Variants in PIK3R1 observed in about 807,000 individuals in gnomAD.
PIK3R1 encodes phosphoinositide-3-kinase regulatory subunit 1.
A neutral mutation model predicts 98.0 loss-of-function variants in PIK3R1; 29 were observed. The observed-to-expected ratio is 0.30, with a 90% confidence interval of 0.22 to 0.40. The LOEUF (loss-of-function observed/expected upper bound fraction) is 0.40. PIK3R1 is among the 10% of genes least tolerant of loss of function. PIK3R1 has a pLI of 1.00. For missense variants in PIK3R1, 596 were observed against 872.7 expected (o/e 0.68, Z 3.99); for synonymous variants, 282 against 311.8 (o/e 0.90, Z 1.01).
At chr5:68,250,575 C>A (rs1745267086) in intron 2 of PIK3R1, among the ~76,000 whole-genome samples, 2 of 152,108 alleles carry the variant, frequency 1.3e-5, no homozygotes, top group Non-Finnish European at 2.9e-5. Flanking sequence ...GCAGTCATTG[C>A]CAATGTAGTC....
rs34175949 is a variant in PIK3R1 at position 68,280,580 on chromosome 5, G to A, written c.687G>A (p.Ser229=). Residue 229 remains serine, a synonymous_variant, in exon 6 of 16, where the codon TCG becomes TCA. Transcript: ENST00000521381. ...YIQLLKKLIR[S]PSIPHQYWLT... is the part of the protein sequence containing the mutation. ...AGCTATTGAAGAAGCTTATTAGGTCGCCTAGCATACCTCATCAGTATTGGC... is the reference window on the plus strand; with the variant it reads ...AGCTATTGAAGAAGCTTATTAGGTCACCTAGCATACCTCATCAGTATTGGC... 1.6e-3 allele frequency: 2,648 copies of A among 1,612,370 alleles called. 4 individuals are homozygous for A. The highest frequency in any genetic ancestry group is 2.0e-3 in the South Asian group (180 of 91,018).
chr5:68,257,889 G>A (rs1044300318), intron 2 of PIK3R1, among the ~76,000 whole-genome samples: 4 of 152,080 alleles, frequency 2.6e-5, no homozygotes, highest in Admixed American at 2.0e-4. Flanking sequence ...TAATGTTATC[G>A]TATAATCTGA....
rs546856635 is a variant in PIK3R1, at chr5:68,285,082, G to A, written c.916+4076G>A. 1.5e-4 allele frequency among the ~76,000 whole-genome samples: 23 copies of A among 152,258 alleles called. No homozygotes were observed. In the South Asian group the frequency reaches 3.1e-3, roughly 21 times the overall value. On this transcript the variant is annotated intron_variant, in intron 7 of 15. Transcript: ENST00000521381. ...TGTAGGCAAACCAAGGTAAAAATAAGTCTATTTAACACAGGGTGCCTTTGA... is the reference window on the plus strand; with the variant it reads ...TGTAGGCAAACCAAGGTAAAAATAAATCTATTTAACACAGGGTGCCTTTGA...
chr5:68,227,000 GAAC>G lies in PIK3R1; in HGVS notation c.331_333del (p.Gln111del). 2 of 1,611,136 alleles carry G rather than the reference GAAC, an allele frequency of 1.2e-6. No homozygotes were observed. The highest frequency in any genetic ancestry group is 8.5e-7 in the Non-Finnish European group (1 of 1,178,756). ...TTCTTCGAAAACTGAAGCAGATGTTGAACAACAAGGTCAGTATTGATAAGTGGT... is the reference window on the plus strand; with the variant it reads ...TTCTTCGAAAACTGAAGCAGATGTTGAACAAGGTCAGTATTGATAAGTGGT... On this transcript the variant is annotated inframe_deletion, in exon 2 of 16. Transcript: ENST00000521381.
At chr5:68,229,505 T>C (rs1186377762) in intron 2 of PIK3R1, among the ~76,000 whole-genome samples, 3 of 152,108 alleles carry the variant, frequency 2.0e-5, no homozygotes, top group Non-Finnish European at 1.5e-5. Flanking sequence ...TTATTGCATT[T>C]AGAAGGTTAT....
In PIK3R1 at chr5:68,300,323, T is replaced by C. The variant is rs956274815; in HGVS notation, c.*2722T>C. The C allele has an allele frequency of 8.6e-6, 2 of 232,976 alleles. No homozygotes were observed. The highest frequency in any genetic ancestry group is 1.7e-5 in the Non-Finnish European group (2 of 117,926). 14.4% of individuals were successfully genotyped at this position (232,976 alleles called of 1,614,324 possible). A position where few individuals can be genotyped will look rare whatever the true frequency, so the allele number is the denominator to read the frequency against. ...CCACCGCATTTGTCGTTTTAGATACTTTGCTAGCCGGCCACTTTGGATTTC... is the reference window on the plus strand; with the variant it reads ...CCACCGCATTTGTCGTTTTAGATACCTTGCTAGCCGGCCACTTTGGATTTC... On this transcript the variant is annotated 3_prime_UTR_variant, in exon 16 of 16. Transcript: ENST00000521381.
chr5:68,286,198 G>GA (rs1747072435), intron 7 of PIK3R1, among the ~76,000 whole-genome samples: 1 of 152,138 alleles, frequency 6.6e-6, no homozygotes, highest in African/African-American at 2.4e-5. Context: ...TGAGTTTTAC[G>GA]AAACTTTGAG....
At chr5:68,250,576 CAATGT>C (rs1745267270) in intron 2 of PIK3R1, among the ~76,000 whole-genome samples, 2 of 152,126 alleles carry the variant, frequency 1.3e-5, no homozygotes, top group Non-Finnish European at 2.9e-5. Context: ...CAGTCATTGC[CAATGT>C]AGTCATGCAA....
intron 7 of PIK3R1, chr5:68,290,979 T>C (rs1219419211): frequency 1.7e-6 from 1 of 581,978 alleles, no homozygotes; most frequent in Non-Finnish European, 3.0e-6. Flanking sequence ...GGCTTAAAAA[T>C]TAAACAGATT....
chr5:68,216,869 C>T (rs1054685086), intron 1 of PIK3R1, among the ~76,000 whole-genome samples: 3 of 145,974 alleles, frequency 2.1e-5, no homozygotes, highest in Non-Finnish European at 4.5e-5. Flanking sequence ...ACTTTGATAA[C>T]CAGAATTGGA....
rs1747864608 is a variant in PIK3R1 at position 68,298,698 on chromosome 5, G to A, written c.*1097G>A. On this transcript the variant is annotated 3_prime_UTR_variant, in exon 16 of 16. Transcript: ENST00000521381. ...GATTTTTTTTGGACTGTTTTGTTGG[G>A]CAGTGCCTGATAAGCTTCAAAGCTG... The A allele has an allele frequency of 4.3e-6, 1 of 233,106 alleles. No individual in the cohort carries two copies. Among genetic ancestry groups the A allele is most frequent in the Admixed American group, 5.6e-5 (1 of 17,758 alleles). The allele number at this position is 233,106 out of a possible 1,614,324, so 14.4% of individuals were successfully genotyped here. A position where few individuals can be genotyped will look rare whatever the true frequency, so the allele number is the denominator to read the frequency against.
intron 7 of PIK3R1, chr5:68,288,370 C>A: frequency 9.2e-7 from 1 of 1,084,566 alleles, no homozygotes; most frequent in Non-Finnish European, 1.1e-6. Context: ...AAGCTGCGAT[C>A]TTTATCTAAG....
At chr5:68,221,036 G>A (rs1029934994) in intron 1 of PIK3R1, among the ~76,000 whole-genome samples, 2 of 152,208 alleles carry the variant, frequency 1.3e-5, no homozygotes, top group African/African-American at 4.8e-5. Flanking sequence ...TATGGCAAGA[G>A]TAGATTAGTT....
rs1747126586 is a variant in PIK3R1 at position 68,287,467 on chromosome 5, G to A, written c.917-4792G>A. 6.6e-6 allele frequency among the ~76,000 whole-genome samples: 1 copy of A among 152,110 alleles called. No individual in the cohort carries two copies. The highest frequency in any genetic ancestry group is 6.5e-5 in the Admixed American group (1 of 15,284). ...GGTCAGATTTCGTTTTCCCCTCTATGGCATGCAGGAATTGATTGAAGTGAA... is the reference window on the plus strand; with the variant it reads ...GGTCAGATTTCGTTTTCCCCTCTATAGCATGCAGGAATTGATTGAAGTGAA... On this transcript the variant is annotated intron_variant, in intron 7 of 15. Transcript: ENST00000521381.
chr5:68,215,891 C>T lies in PIK3R1; in HGVS notation c.-445C>T. 1 of 151,538 alleles carries T rather than the reference C, an allele frequency of 6.6e-6. No individual in the cohort carries two copies. Among genetic ancestry groups the T allele is most frequent in the Non-Finnish European group, 1.5e-5 (1 of 67,720 alleles). The allele number at this position is 151,538 out of a possible 1,614,324, so 9.4% of individuals were successfully genotyped here. On this transcript the variant is annotated 5_prime_UTR_variant, in exon 1 of 16. Coordinates refer to ENST00000521381, the MANE Select transcript of PIK3R1 (RefSeq NM_181523.3). The stretch of plus-strand genomic sequence containing the variant: ...GGGCTGGAGGCCGGTCGGAACCGAG[C>T]GGGCAGGAGGCCACCGCTGCAGCGC...
intron 7 of PIK3R1, among the ~76,000 whole-genome samples, chr5:68,287,524 G>T (rs1362099549): frequency 6.6e-6 from 1 of 152,184 alleles, no homozygotes; most frequent in African/African-American, 2.4e-5. Flanking sequence ...AAAGTTTGGT[G>T]ATTTCCCTGG....
At chr5:68,286,361 T>G (rs935795274) in intron 7 of PIK3R1, among the ~76,000 whole-genome samples, 1 of 152,210 alleles carries the variant, frequency 6.6e-6, no homozygotes, top group Non-Finnish European at 1.5e-5. Flanking sequence ...GTACTTTTGA[T>G]TTACTAATTA....
chr5:68,265,116 G>A (rs761981389), intron 2 of PIK3R1, among the ~76,000 whole-genome samples: 28 of 152,080 alleles, frequency 1.8e-4, no homozygotes, highest in Middle Eastern at 3.4e-3. Flanking sequence ...TCCGAGGACC[G>A]GCAGCATGGG....
At chr5:68,261,634 A>G (rs1745750954) in intron 2 of PIK3R1, among the ~76,000 whole-genome samples, 1 of 152,188 alleles carries the variant, frequency 6.6e-6, no homozygotes. Flanking sequence ...GCTAACATAA[A>G]AGATGACCAA....
Sources: allele counts gnomAD v4.1 joint callset (sites outside exome capture counted in the v4.1 genomes callset), GRCh38; gene constraint gnomAD v4.1.1; transcripts MANE v1.5; gene names NCBI Gene and HGNC (gene_info 2026-07-23, HGNC 2026-07-21).